AFG2A: variants seen among roughly 807,000 people sequenced by gnomAD.
AFG2A encodes ATPase family gene 2 protein homolog A.
chr4:123,028,302 A>T, the AFG2A span: 1 of 1,614,174 alleles, frequency 6.2e-7, no homozygotes, highest in Non-Finnish European at 8.5e-7. Context: ...AGCCACCTAA[A>T]GGAGTTCTTC....
chr4:122,968,576 CAGG>C, the AFG2A span, among the ~76,000 whole-genome samples: 1 of 152,186 alleles, frequency 6.6e-6, no homozygotes, highest in African/African-American at 2.4e-5. Context: ...TTCTGCATAG[CAGG>C]AGTTCATTTT....
At chr4:123,041,343 G>A in the AFG2A span, among the ~76,000 whole-genome samples, 452 of 146,020 alleles carry the variant, frequency 3.1e-3, 9 homozygotes, top group Middle Eastern at 0.054. Flanking sequence ...GGATAGTCTC[G>A]ATCTCCTGAC....
At chr4:123,195,592 C>T in the AFG2A span, among the ~76,000 whole-genome samples, 1 of 152,058 alleles carries the variant, frequency 6.6e-6, no homozygotes, top group African/African-American at 2.4e-5. Flanking sequence ...TCGAGTTTAA[C>T]AACATATCTT....
At chr4:123,190,709 T>G in the AFG2A span, among the ~76,000 whole-genome samples, 1 of 152,224 alleles carries the variant, frequency 6.6e-6, no homozygotes, top group Non-Finnish European at 1.5e-5. Context: ...TTTATCAGAA[T>G]TATGACTTCC....
the AFG2A span, among the ~76,000 whole-genome samples, chr4:123,052,157 T>A: frequency 6.6e-6 from 1 of 152,186 alleles, no homozygotes; most frequent in Non-Finnish European, 1.5e-5. Context: ...TTTTCTCCTC[T>A]GACTGTGTAT....
the AFG2A span, among the ~76,000 whole-genome samples, chr4:122,942,319 T>A: frequency 6.7e-6 from 1 of 150,286 alleles, no homozygotes; most frequent in East Asian, 2.0e-4. Context: ...GATCCTGTTA[T>A]TGGTCTATTC....
At chr4:123,118,185 AC>A in the AFG2A span, among the ~76,000 whole-genome samples, 2 of 150,674 alleles carry the variant, frequency 1.3e-5, no homozygotes. Flanking sequence ...TCCTTCTACC[AC>A]TGTACCCCAA....
chr4:122,993,111 A>G, the AFG2A span, among the ~76,000 whole-genome samples: 1 of 151,552 alleles, frequency 6.6e-6, no homozygotes, highest in African/African-American at 2.4e-5. Flanking sequence ...TCAGCCTCCC[A>G]AGTAGCTTAG....
At chr4:123,272,678 T>C in the AFG2A span, among the ~76,000 whole-genome samples, 1 of 152,174 alleles carries the variant, frequency 6.6e-6, no homozygotes, top group Non-Finnish European at 1.5e-5. Context: ...ATTCTGGTCA[T>C]CAGTGACTTC....
the AFG2A span, among the ~76,000 whole-genome samples, chr4:122,939,190 A>G: frequency 6.8e-5 from 10 of 146,472 alleles, no homozygotes; most frequent in African/African-American, 2.0e-4. Flanking sequence ...GGTTCAAGCA[A>G]TTCTCCTGCC....
chr4:123,120,734 A>G, the AFG2A span, among the ~76,000 whole-genome samples: 1 of 152,188 alleles, frequency 6.6e-6, no homozygotes, highest in African/African-American at 2.4e-5. Context: ...TCTTGTGGCA[A>G]TGCTGGTGTA....
At chr4:123,292,163 A>G in the AFG2A span, among the ~76,000 whole-genome samples, 1 of 152,108 alleles carries the variant, frequency 6.6e-6, no homozygotes, top group Non-Finnish European at 1.5e-5. Flanking sequence ...GTCTGTTTTT[A>G]AAACTTTGCA....
chr4:123,183,933 T>C, the AFG2A span, among the ~76,000 whole-genome samples: 5,997 of 137,366 alleles, frequency 0.044, 273 homozygotes, highest in African/African-American at 0.14. Flanking sequence ...CTTGCTTATT[T>C]ATTCATTCAT....
At chr4:122,959,546 C>T in the AFG2A span, among the ~76,000 whole-genome samples, 6 of 152,294 alleles carry the variant, frequency 3.9e-5, no homozygotes, top group African/African-American at 1.2e-4. Flanking sequence ...TGGACTGCCG[C>T]ATAGTGAAGG....
At chr4:123,090,823 G>C in the AFG2A span, 1 of 1,403,282 alleles carries the variant, frequency 7.1e-7, no homozygotes, top group Non-Finnish European at 9.7e-7. Context: ...GGATATTGAA[G>C]AATGTAAAGC....
chr4:123,316,927 T>A, the AFG2A span: 4 of 152,170 alleles, frequency 2.6e-5, no homozygotes, highest in Admixed American at 2.6e-4. Context: ...AAACATTTTT[T>A]AAAAGAGGCC....
At chr4:123,265,349 T>A in the AFG2A span, among the ~76,000 whole-genome samples, 1 of 152,090 alleles carries the variant, frequency 6.6e-6, no homozygotes, top group Non-Finnish European at 1.5e-5. Context: ...TAAATGAAGG[T>A]TGCAAAATTA....
At chr4:123,201,765 A>C in the AFG2A span, among the ~76,000 whole-genome samples, 1 of 152,014 alleles carries the variant, frequency 6.6e-6, no homozygotes, top group Admixed American at 6.6e-5. Context: ...CTAAAAATAC[A>C]AAAAAATTTA....
the AFG2A span, among the ~76,000 whole-genome samples, chr4:123,225,172 G>T: frequency 5.3e-5 from 8 of 152,010 alleles, no homozygotes; most frequent in East Asian, 5.8e-4. Context: ...GCCTGTTCAC[G>T]CTGATGGTAG....
Sources: gnomAD v4.1 joint callset for allele counts (sites outside exome capture counted in the v4.1 genomes callset) on GRCh38, gnomAD v4.1.1 for gene constraint, MANE v1.5 for transcripts, NCBI Gene and HGNC (gene_info 2026-07-23, HGNC 2026-07-21) for gene names.